Variants in CDC42SE2 observed in about 807,000 individuals in gnomAD.
CDC42SE2 encodes the protein CDC42 small effector 2, also known as CDC42 small effector protein 2.
Under a neutral mutation model 11.5 loss-of-function variants are expected in CDC42SE2, and 3 were observed. The observed-to-expected ratio is 0.26, with a 90% confidence interval of 0.12 to 0.67. The LOEUF is 0.67. Among genes scored for constraint, CDC42SE2 ranks in the 30% least tolerant of loss-of-function variants. The pLI, the probability that CDC42SE2 is intolerant of heterozygous loss-of-function variation, is 0.80. For synonymous variants in CDC42SE2, 33 were observed against 34.8 expected, an observed-to-expected ratio of 0.95 and a Z score of 0.18; for missense variants, 82 against 106.8, an observed-to-expected ratio of 0.77 and a Z score of 1.02.
At chr5:131,339,836 T>G (rs1337993850) in intron 2 of CDC42SE2, among the ~76,000 whole-genome samples, 1 of 150,968 alleles carries the variant, frequency 6.6e-6, no homozygotes, top group Non-Finnish European at 1.5e-5. Context: ...GAGAGAAAAT[T>G]ATGATCATTG....
At chr5:131,291,194 A>G (rs1757451410) in intron 1 of CDC42SE2, among the ~76,000 whole-genome samples, 1 of 152,176 alleles carries the variant, frequency 6.6e-6, no homozygotes, top group Admixed American at 6.5e-5. Context: ...TGTTTATATA[A>G]TGAAGGTGAA....
rs963817275 is a variant in CDC42SE2 at position 131,391,517 on chromosome 5, C to A, written c.*426C>A. 1 of 152,352 alleles carries A rather than the reference C, an allele frequency of 6.6e-6. No homozygotes were observed. The highest frequency in any genetic ancestry group is 1.5e-5 in the Non-Finnish European group (1 of 68,212). The allele number at this position is 152,352 out of a possible 1,614,324, so 9.4% of individuals were successfully genotyped here. A position where few individuals can be genotyped will look rare whatever the true frequency, so the allele number is the denominator to read the frequency against. On this transcript the variant is annotated 3_prime_UTR_variant, in exon 5 of 5. Transcript: ENST00000505065. ...TGAAACCCCATCTCTACTAAAAATA[C>A]AAAAATTAGCTGGGCATGGTGGCGC...
At chr5:131,348,956 G>A (rs1206302554) in intron 2 of CDC42SE2, among the ~76,000 whole-genome samples, 1 of 151,932 alleles carries the variant, frequency 6.6e-6, no homozygotes, top group African/African-American at 2.4e-5. Flanking sequence ...GCTGAAACTG[G>A]ATCCCTTCCC....
chr5:131,213,254 G>A, the CDC42SE2 span, among the ~76,000 whole-genome samples: 1 of 151,990 alleles, frequency 6.6e-6, no homozygotes, highest in Non-Finnish European at 1.5e-5. Context: ...GGGAAAAGGG[G>A]GGAAAGCTCT....
At chr5:131,263,907 C>CGGGGCCTGGCG (rs1756790338), upstream of CDC42SE2, 11 of 152,216 alleles carry the variant, frequency 7.2e-5, no homozygotes, top group Admixed American at 6.5e-4. Context: ...GGAGGTACGG[C>CGGGGCCTGGCG]GGGGGCGGGG....
chr5:131,309,505 A>G (rs1757853968), intron 1 of CDC42SE2, among the ~76,000 whole-genome samples: 1 of 151,228 alleles, frequency 6.6e-6, no homozygotes, highest in African/African-American at 2.4e-5. Context: ...TGATTGGAAT[A>G]GTTTCAGAAG....
chr5:131,337,745 C>T (rs936338707), intron 2 of CDC42SE2, among the ~76,000 whole-genome samples: 3 of 152,244 alleles, frequency 2.0e-5, no homozygotes, highest in South Asian at 2.1e-4. Flanking sequence ...AGCGAGGCTC[C>T]GTGAGGGTAG....
chr5:131,333,677 C>A (rs1056294080), intron 2 of CDC42SE2, among the ~76,000 whole-genome samples: 34 of 152,080 alleles, frequency 2.2e-4, no homozygotes, highest in Admixed American at 4.6e-4. Context: ...TGAAGAGGTC[C>A]TTCACATCCC....
the CDC42SE2 span, among the ~76,000 whole-genome samples, chr5:131,229,227 C>G: frequency 1.7e-4 from 26 of 151,966 alleles, no homozygotes; most frequent in Non-Finnish European, 3.2e-4. Flanking sequence ...GTTGTCCAGA[C>G]TGATCTCAAA....
chr5:131,319,669 A>C (rs1417134145), intron 2 of CDC42SE2, among the ~76,000 whole-genome samples: 1 of 152,194 alleles, frequency 6.6e-6, no homozygotes. Flanking sequence ...ATCCCGATAA[A>C]ATTTTTAAAA....
intron 2 of CDC42SE2, among the ~76,000 whole-genome samples, chr5:131,325,681 A>G (rs1758283278): frequency 6.6e-6 from 1 of 152,198 alleles, no homozygotes; most frequent in Non-Finnish European, 1.5e-5. Flanking sequence ...TTTTTACCCA[A>G]GGAAACTGAG....
Position 131,394,383 on chromosome 5 carries a change from T to G in CDC42SE2, c.*3292T>G, listed in dbSNP as rs1288672989. On this transcript the variant is annotated 3_prime_UTR_variant, in exon 5 of 5. Transcript: ENST00000505065. ...CTTTAGTTAACATTGGGTTTAGCATTTCCAGTGCAGCATTATCAGTGGGCC... is the reference window on the plus strand; with the variant it reads ...CTTTAGTTAACATTGGGTTTAGCATGTCCAGTGCAGCATTATCAGTGGGCC... 1 of 152,342 alleles carries G rather than the reference T, an allele frequency of 6.6e-6. No homozygotes were observed. The highest frequency in any genetic ancestry group is 1.5e-5 in the Non-Finnish European group (1 of 68,026). The allele number at this position is 152,342 out of a possible 1,614,324, so 9.4% of individuals were successfully genotyped here. A position where few individuals can be genotyped will look rare whatever the true frequency, so the allele number is the denominator to read the frequency against.
the CDC42SE2 span, among the ~76,000 whole-genome samples, chr5:131,233,531 C>G: frequency 4.6e-5 from 7 of 152,278 alleles, no homozygotes; most frequent in African/African-American, 1.7e-4. Context: ...CCACACCCAG[C>G]TAATTTTTGT....
Position 131,348,651 on chromosome 5 carries a change from C to T in CDC42SE2, c.-285-10558C>T, listed in dbSNP as rs141050932. ...AATTGGAAAAAACTACTTTAAAGTT[C>T]ATATGGAACCGAAAAAGAGCCTGCA... On this transcript the variant is annotated intron_variant, in intron 2 of 4. Transcript: ENST00000505065. Among the ~76,000 whole-genome samples, 1,180 of 152,226 alleles carry T rather than the reference C, an allele frequency of 7.8e-3. 8 individuals are homozygous for T. The highest frequency in any genetic ancestry group is 0.011 in the Non-Finnish European group (780 of 68,012).
At chr5:131,241,046 T>A (rs908534929), upstream of CDC42SE2, among the ~76,000 whole-genome samples, 5 of 152,184 alleles carry the variant, frequency 3.3e-5, no homozygotes, top group Admixed American at 3.3e-4. Context: ...TGGCGCGATC[T>A]CGGCTCACTG....
chr5:131,241,829 C>A (rs1756542940), upstream of CDC42SE2, among the ~76,000 whole-genome samples: 1 of 149,776 alleles, frequency 6.7e-6, no homozygotes, highest in African/African-American at 2.5e-5. Flanking sequence ...AAAATTTTAA[C>A]CCCTGTCCAC....
chr5:131,245,303 T>G (rs1247291814), upstream of CDC42SE2, among the ~76,000 whole-genome samples: 1 of 152,176 alleles, frequency 6.6e-6, no homozygotes, highest in African/African-American at 2.4e-5. Flanking sequence ...TCACCATAAT[T>G]GATACTGTTC....
At chr5:131,295,640 C>T (rs936583497) in intron 1 of CDC42SE2, among the ~76,000 whole-genome samples, 7 of 150,888 alleles carry the variant, frequency 4.6e-5, no homozygotes, top group Admixed American at 2.6e-4. Context: ...CTCTCTGGAG[C>T]GGGGAACAGG....
chr5:131,239,964 G>T, the CDC42SE2 span, among the ~76,000 whole-genome samples: 2 of 152,282 alleles, frequency 1.3e-5, no homozygotes, highest in East Asian at 3.9e-4. Flanking sequence ...CCCTGCTTTA[G>T]AAGGGTCAAG....
Sources: allele counts gnomAD v4.1 joint callset (sites outside exome capture counted in the v4.1 genomes callset), GRCh38; gene constraint gnomAD v4.1.1; transcripts MANE v1.5; gene names NCBI Gene and HGNC (gene_info 2026-07-23, HGNC 2026-07-21).